The following COL4A5 variants were observed in gnomAD, a reference collection of about 807,000 sequenced individuals.
COL4A5 encodes the protein collagen type IV alpha 5 chain.
COL4A5 carries 26 observed loss-of-function variants against 130.2 expected under a neutral mutation model. The ratio of observed to expected loss-of-function variants is 0.20; its 90% CI spans 0.15 to 0.28. COL4A5 has a LOEUF of 0.28. Ranked by LOEUF, COL4A5 falls within the 10% of genes least tolerant of loss-of-function variation. The pLI, the probability that COL4A5 is intolerant of heterozygous loss-of-function variation, is 1.00. For synonymous variants in COL4A5, 496 were observed against 439.6 expected (o/e 1.13, Z -1.60); for missense variants, 1,131 against 1,344.3 (o/e 0.84, Z 2.48).
chrX:108,529,997 C>G, intron 1 of COL4A5, among the ~76,000 whole-genome samples: 1 of 111,204 alleles, frequency 9.0e-6, no homozygotes, highest in African/African-American at 3.3e-5. Flanking sequence ...GACACATCAT[C>G]TAGACAGAAA....
rs1347348927 is a variant in COL4A5, at chrX:108,548,872, A to G, written c.141+9067A>G. 2.3e-4 allele frequency among the ~76,000 whole-genome samples: 26 copies of G among 111,792 alleles called. No individual in the cohort carries two copies. In the Admixed American group the frequency reaches 2.5e-3, roughly 11 times the overall value. On this transcript the variant is annotated intron_variant, in intron 2 of 52. Transcript: ENST00000328300. ...AAATTTGCAAGCACAATTATTATAT[A>G]CAGTTAAAATATACTTCAAAAATAA...
At chrX:108,441,438 G>A (rs1227739147) in intron 1 of COL4A5, among the ~76,000 whole-genome samples, 1 of 111,735 alleles carries the variant, frequency 8.9e-6, no homozygotes, top group Non-Finnish European at 1.9e-5. Flanking sequence ...CAAATCACAT[G>A]TCCTCTTTCT....
At chrX:108,664,278 T>C (rs760764018) in intron 37 of COL4A5, among the ~76,000 whole-genome samples, 2 of 112,268 alleles carry the variant, frequency 1.8e-5, no homozygotes, top group African/African-American at 6.5e-5. Context: ...ATACAATAAA[T>C]TGACTTTTGA....
At chrX:108,660,985 T>TACA (rs1329071545) in intron 37 of COL4A5, among the ~76,000 whole-genome samples, 1 of 112,094 alleles carries the variant, frequency 8.9e-6, no homozygotes, top group African/African-American at 3.2e-5. Context: ...CTAGGTTTAG[T>TACA]TATACAAATA....
At chrX:108,507,535 A>G (rs2065137649) in intron 1 of COL4A5, among the ~76,000 whole-genome samples, 2 of 112,102 alleles carry the variant, frequency 1.8e-5, no homozygotes, top group Admixed American at 9.4e-5. Flanking sequence ...CCGGCCGGGC[A>G]TGGTGGCTCA....
chrX:108,694,765 C>A, intron 50 of COL4A5, 42 bp from the exon 51 acceptor site: 1 of 1,040,587 alleles, frequency 9.6e-7, no homozygotes, highest in Non-Finnish European at 1.4e-6. Flanking sequence ...TTCTCACATG[C>A]TCACTCTGTA....
chrX:108,654,689 C>T (rs1168421171), intron 36 of COL4A5, among the ~76,000 whole-genome samples: 1 of 112,722 alleles, frequency 8.9e-6, no homozygotes, highest in African/African-American at 3.2e-5. Flanking sequence ...TCAAGCAATC[C>T]TCCAGCCTTG....
rs1188582717 is a variant in COL4A5, at chrX:108,672,637, CA to C, written c.3800-2099del. Among the ~76,000 whole-genome samples the C allele has an allele frequency of 1.1e-4, 12 of 109,907 alleles. No homozygotes were observed. In the East Asian group the frequency reaches 1.7e-3, roughly 16 times the overall value. On this transcript the variant is annotated intron_variant, in intron 42 of 52. Coordinates refer to ENST00000328300, the MANE Select transcript of COL4A5 (RefSeq NM_033380.3). ...AAAATAATGGATTGTGGACCTCATA[CA>C]AAAAAAAATTGACTTGGCATATAGC...
intron 47 of COL4A5, among the ~76,000 whole-genome samples, chrX:108,685,796 G>A (rs2068531440): frequency 8.9e-6 from 1 of 112,417 alleles, no homozygotes; most frequent in African/African-American, 3.2e-5. Flanking sequence ...TGATTCTGAA[G>A]ACAAAGAGAG....
chrX:108,552,321 T>C (rs761509363), intron 2 of COL4A5, among the ~76,000 whole-genome samples: 2 of 112,478 alleles, frequency 1.8e-5, no homozygotes, highest in Non-Finnish European at 3.8e-5. Flanking sequence ...CATGTATCAA[T>C]AGTTATTTCC....
At chrX:108,483,325 C>T (rs1360433112) in intron 1 of COL4A5, among the ~76,000 whole-genome samples, 1 of 110,173 alleles carries the variant, frequency 9.1e-6, no homozygotes, top group African/African-American at 3.3e-5. Context: ...ACCTGAGGAG[C>T]GAGGAGAACC....
intron 42 of COL4A5, chrX:108,670,804 G>A: frequency 3.7e-6 from 1 of 267,508 alleles, no homozygotes. Flanking sequence ...CACTTTGGGA[G>A]GCCAAGGCGG....
At chrX:108,440,442 T>G (rs745786210) in intron 1 of COL4A5, 2 of 396,422 alleles carry the variant, frequency 5.0e-6, no homozygotes, top group Non-Finnish European at 8.8e-6. Flanking sequence ...TGCAGCTAGC[T>G]CCTCCGGGGG....
At chrX:108,472,181 A>AT (rs1182175869) in intron 1 of COL4A5, among the ~76,000 whole-genome samples, 1 of 111,448 alleles carries the variant, frequency 9.0e-6, no homozygotes, top group Non-Finnish European at 1.9e-5. Flanking sequence ...TTGTAGTTTA[A>AT]TTCCATTGTG....
At chrX:108,678,247 A>G (rs775292889) in intron 44 of COL4A5, among the ~76,000 whole-genome samples, 1 of 111,909 alleles carries the variant, frequency 8.9e-6, no homozygotes, top group African/African-American at 3.2e-5. Context: ...AGTCAACACA[A>G]TCTGGACTGT....
At chrX:108,539,523 A>C (rs945304782) in intron 1 of COL4A5, among the ~76,000 whole-genome samples, 2 of 111,835 alleles carry the variant, frequency 1.8e-5, no homozygotes, top group African/African-American at 6.5e-5. Context: ...AAATTATAAA[A>C]ATTATGTTTG....
At chrX:108,612,241 A>G (rs1362099909) in intron 29 of COL4A5, among the ~76,000 whole-genome samples, 1 of 111,353 alleles carries the variant, frequency 9.0e-6, no homozygotes, top group East Asian at 2.8e-4. Flanking sequence ...CAAAGATGTT[A>G]TTTGTTACCA....
intron 29 of COL4A5, among the ~76,000 whole-genome samples, chrX:108,610,118 A>G (rs972533358): frequency 1.8e-5 from 2 of 110,842 alleles, no homozygotes; most frequent in African/African-American, 6.6e-5. Flanking sequence ...TTAACTGCCA[A>G]TATCCTTTAC....
chrX:108,536,194 G>A (rs767225036), intron 1 of COL4A5, among the ~76,000 whole-genome samples: 1 of 110,383 alleles, frequency 9.1e-6, no homozygotes, highest in Non-Finnish European at 1.9e-5. Context: ...ATTTATTCTA[G>A]CACCATATGT....
Sources: allele counts gnomAD v4.1 joint callset (sites outside exome capture counted in the v4.1 genomes callset), GRCh38; gene constraint gnomAD v4.1.1; transcripts MANE v1.5; gene names NCBI Gene and HGNC (gene_info 2026-07-23, HGNC 2026-07-21).